The following NCOA6 variants were observed in gnomAD, a reference collection of about 807,000 sequenced individuals.
NCOA6 encodes the protein nuclear receptor coactivator 6.
Under a neutral mutation model 171.4 loss-of-function variants are expected in NCOA6, and 49 were observed. The observed-to-expected ratio is 0.29, with a 90% CI of 0.23 to 0.36. The LOEUF (loss-of-function observed/expected upper bound fraction) is 0.36, where lower values mean the gene tolerates loss of function less well. Ranked by LOEUF, NCOA6 falls within the 10% of genes least tolerant of loss-of-function variation. NCOA6 has a pLI of 1.00. For missense variants in NCOA6, 2,248 were observed against 2,554.5 expected (o/e 0.88, Z 2.59); for synonymous variants, 910 against 927.5 (o/e 0.98, Z 0.34).
intron 1 of NCOA6, among the ~76,000 whole-genome samples, chr20:34,797,934 T>C (rs375543146): frequency 3.9e-5 from 6 of 152,066 alleles, no homozygotes; most frequent in South Asian, 2.1e-4. Flanking sequence ...CCCTTTACTA[T>C]TTGGGCTATG....
intron 1 of NCOA6, among the ~76,000 whole-genome samples, chr20:34,824,373 G>A (rs1208174960): frequency 6.6e-6 from 1 of 152,168 alleles, no homozygotes; most frequent in Non-Finnish European, 1.5e-5. Flanking sequence ...CTATGTTTCA[G>A]CTAAAATCAC....
intron 3 of NCOA6, chr20:34,776,678 T>C: frequency 1.6e-6 from 1 of 640,336 alleles, no homozygotes; most frequent in Non-Finnish European, 2.8e-6. Context: ...ATCTTTTTCT[T>C]TTCTAAAACT....
At chr20:34,789,087 G>A (rs1020414557) in intron 2 of NCOA6, among the ~76,000 whole-genome samples, 2 of 152,184 alleles carry the variant, frequency 1.3e-5, no homozygotes, top group Admixed American at 6.5e-5. Context: ...TATAGGTTAC[G>A]TGGAAGCCTG....
intron 2 of NCOA6, among the ~76,000 whole-genome samples, chr20:34,787,479 T>C (rs1419369520): frequency 2.0e-5 from 3 of 151,586 alleles, no homozygotes; most frequent in East Asian, 1.9e-4. Context: ...TGAGCTATGA[T>C]TGTGCCACTA....
chr20:34,808,436 C>CTTTTTTTT lies in NCOA6; in HGVS notation c.-163-15881_-163-15874dup, dbSNP rs957085400. ...GCAGTGGTTCCCAAACTTGTCTGTG[C>CTTTTTTTT]TTTTTTTTTTTTTTTTTTTGAGTCG... On this transcript the variant is annotated intron_variant, in intron 1 of 14. Coordinates refer to ENST00000359003, the MANE Select transcript of NCOA6 (RefSeq NM_014071.5). 1.6e-5 allele frequency among the ~76,000 whole-genome samples: 2 copies of CTTTTTTTT among 125,492 alleles called. 1 individual carries two copies. The highest frequency in any genetic ancestry group is 3.4e-5 in the Non-Finnish European group (2 of 59,094). 82.3% of individuals were successfully genotyped at this position (125,492 alleles called of 152,430 possible).
rs116294231 is a variant in NCOA6 at position 34,816,145 on chromosome 20, G to A, written c.-164+9327C>T. ...TTTTCCTATGTCCATCATTCCTTTG[G>A]TTACTCTCTCCTTAATCCCATTTGT... On this transcript the variant is annotated intron_variant, in intron 1 of 14. Transcript: ENST00000359003. 9.2e-3 allele frequency among the ~76,000 whole-genome samples: 1,406 copies of A among 152,102 alleles called. 29 individuals are homozygous for A. Among genetic ancestry groups the A allele is most frequent in the African/African-American group, 0.032 (1,336 of 41,464 alleles).
At chr20:34,745,871 T>A (rs1057160803) in intron 10 of NCOA6, among the ~76,000 whole-genome samples, 6 of 152,196 alleles carry the variant, frequency 3.9e-5, no homozygotes, top group Non-Finnish European at 8.8e-5. Flanking sequence ...TTTTAGGAGC[T>A]TTTCCATCTT....
At chr20:34,778,761 A>G (rs1417667434) in intron 3 of NCOA6, among the ~76,000 whole-genome samples, 3 of 151,966 alleles carry the variant, frequency 2.0e-5, no homozygotes, top group Non-Finnish European at 4.4e-5. Context: ...AAAGAGTTAC[A>G]TCCTGGCTAA....
chr20:34,731,970 G>A (rs994848060), intron 13 of NCOA6, among the ~76,000 whole-genome samples: 2 of 152,292 alleles, frequency 1.3e-5, no homozygotes, highest in South Asian at 4.1e-4. Flanking sequence ...GCAGTGTGCC[G>A]AGATCGTGCA....
intron 1 of NCOA6, among the ~76,000 whole-genome samples, chr20:34,818,079 A>G (rs574742367): frequency 1.3e-5 from 2 of 152,312 alleles, no homozygotes; most frequent in South Asian, 4.1e-4. Flanking sequence ...TCTTCATTTT[A>G]TATGTAAAAA....
chr20:34,773,559 C>CTT (rs10626114), intron 4 of NCOA6, among the ~76,000 whole-genome samples: 126,682 of 150,588 alleles, frequency 0.84, 53,430 homozygotes, highest in Admixed American at 0.91. Flanking sequence ...AAATTTTGCT[C>CTT]GACACCCAGG....
chr20:34,781,394 C>T (rs1194926780), intron 3 of NCOA6, among the ~76,000 whole-genome samples: 4 of 152,116 alleles, frequency 2.6e-5, no homozygotes, highest in African/African-American at 4.8e-5. Context: ...CACAAATGCC[C>T]GTAAGATATG....
rs550155633 is a variant in NCOA6, at chr20:34,787,989, C to T, written c.-50+4461G>A. 7.9e-5 allele frequency among the ~76,000 whole-genome samples: 12 copies of T among 151,576 alleles called. 1 individual carries two copies. Among genetic ancestry groups the T allele is most frequent in the Non-Finnish European group, 1.5e-4 (10 of 67,964 alleles). On this transcript the variant is annotated intron_variant, in intron 2 of 14. Coordinates refer to ENST00000359003, the MANE Select transcript of NCOA6 (RefSeq NM_014071.5). ...TCAAGCAATTTTCCTGCCTCAGCTT[C>T]CCAGTTAGCTGAGACTACAGGCAGA...
In NCOA6 at chr20:34,777,325, G is replaced by T. The variant is rs532300435; in HGVS notation, c.236-877C>A. ...GTGAAGATACGGAGAAATAGAACCT[G>T]CGGGGCACGGTGGCTCACACCTATA... On this transcript the variant is annotated intron_variant, in intron 3 of 14. Transcript: ENST00000359003. Among the ~76,000 whole-genome samples, 22 of 152,132 alleles carry T rather than the reference G, an allele frequency of 1.4e-4. No individual in the cohort carries two copies. The South Asian group carries it at 4.6e-3, about 32-fold the overall frequency.
At chr20:34,825,343 A>C (rs1245658572) in intron 1 of NCOA6, 129 bp downstream of exon 1, 1 of 149,408 alleles carries the variant, frequency 6.7e-6, no homozygotes, top group Admixed American at 6.6e-5. Context: ...AGACCGTGCC[A>C]CTCGGTCGCC....
intron 1 of NCOA6, among the ~76,000 whole-genome samples, chr20:34,812,418 C>T (rs1317394071): frequency 6.6e-6 from 1 of 152,086 alleles, no homozygotes; most frequent in Non-Finnish European, 1.5e-5. Flanking sequence ...TACAACAACC[C>T]TGGTTTGCTC....
At chr20:34,752,936 CAAAG>C (rs747557002) in intron 8 of NCOA6, among the ~76,000 whole-genome samples, 3 of 147,926 alleles carry the variant, frequency 2.0e-5, no homozygotes, top group Non-Finnish European at 4.5e-5. Context: ...AAAACACACA[CAAAG>C]AAAACAAACA....
chr20:34,717,288 T>TA (rs1374912215), intron 14 of NCOA6, among the ~76,000 whole-genome samples: 1 of 152,038 alleles, frequency 6.6e-6, no homozygotes, highest in Admixed American at 6.6e-5. Flanking sequence ...CCATCTCTAC[T>TA]AAATAAAGAA....
chr20:34,727,163 C>G, intron 14 of NCOA6, 96 bp downstream of exon 14: 2 of 1,407,276 alleles, frequency 1.4e-6, no homozygotes, highest in Admixed American at 2.1e-5. Flanking sequence ...ACTTCAGGAA[C>G]AGAAGCAATG....
Sources: gnomAD v4.1 joint callset for allele counts (sites outside exome capture counted in the v4.1 genomes callset) on GRCh38, gnomAD v4.1.1 for gene constraint, MANE v1.5 for transcripts, NCBI Gene and HGNC (gene_info 2026-07-23, HGNC 2026-07-21) for gene names.